Variants in HTT observed in about 807,000 individuals in gnomAD.
HTT encodes huntington disease protein.
Under a neutral mutation model 362.3 loss-of-function variants are expected in HTT, and 104 were observed. The ratio of observed to expected loss-of-function variants is 0.29; its 90% CI spans 0.24 to 0.34. The LOEUF (loss-of-function observed/expected upper bound fraction) is 0.34. Ranked by LOEUF, HTT falls within the 10% of genes least tolerant of loss-of-function variation. The pLI is 1.00. For missense variants in HTT, 3,301 were observed against 3,928.6 expected (o/e 0.84, Z 4.27); for synonymous variants, 1,577 against 1,548.7 (o/e 1.02, Z -0.43).
rs372725851 is a variant in HTT at position 3,140,559 on chromosome 4, G to T, written c.2848G>T (p.Val950Leu). The T allele has an allele frequency of 1.7e-5, 28 of 1,613,990 alleles. No individual in the cohort carries two copies. Among genetic ancestry groups the T allele is most frequent in the African/African-American group, 5.3e-5 (4 of 74,934 alleles). ...ATGTGACCAAGGACAAGCTGATCCA[G>T]TAGTGGCCGTGGCAAGAGATCAAAG... is the stretch of plus-strand genomic sequence containing the variant. The part of the protein sequence containing the change: ...YKCDQGQADP[V>L]VAVARDQSSV... Residue 950 changes from valine (V) to leucine (L), a missense_variant, in exon 22 of 67, where the codon GTA (valine) becomes TTA (leucine). Val to Leu is a conservative substitution (Grantham distance 32). Coordinates refer to ENST00000355072, the MANE Select transcript of HTT (RefSeq NM_001388492.1).
At chr4:3,213,040 G>T in intron 49 of HTT, 1 of 275,904 alleles carries the variant, frequency 3.6e-6, no homozygotes, top group Non-Finnish European at 7.0e-6. Flanking sequence ...GTCAGCCAAG[G>T]AATACTTACT....
rs372236364 is a variant in HTT, at chr4:3,236,270, C to T, written c.8891+16C>T. On this transcript the variant is annotated intron_variant, in intron 64 of 66. Transcript: ENST00000355072. ...TTTTTGATAGGTAAGAAGCGAAGCC[C>T]CATCCCTCAGCCGTTAGCTTCCCTA... 2.2e-4 allele frequency: 333 copies of T among 1,548,820 alleles called. No homozygotes were observed. The highest frequency in any genetic ancestry group is 5.5e-5 in the Non-Finnish European group (62 of 1,120,368).
chr4:3,203,867 C>A, intron 41 of HTT, 140 bp from the exon 42 acceptor site: 1 of 732,018 alleles, frequency 1.4e-6, no homozygotes, highest in African/African-American at 1.8e-5. Flanking sequence ...ATATATTACA[C>A]ATACAACATT....
intron 26 of HTT, 115 bp downstream of exon 26, chr4:3,148,322 A>G: frequency 1.3e-6 from 1 of 775,722 alleles, no homozygotes; most frequent in East Asian, 2.7e-5. Flanking sequence ...AAATGAACAA[A>G]ATTGCTCAGA....
At chr4:3,181,913 C>T (rs1408301581) in intron 36 of HTT, among the ~76,000 whole-genome samples, 2 of 152,210 alleles carry the variant, frequency 1.3e-5, no homozygotes, top group Non-Finnish European at 2.9e-5. Flanking sequence ...GAAGCAGGTG[C>T]TCTTCAGTAG....
At chr4:3,114,556 C>T (rs61792505) in intron 6 of HTT, among the ~76,000 whole-genome samples, 8,553 of 152,252 alleles carry the variant, frequency 0.056, 293 homozygotes, top group African/African-American at 0.093. Context: ...ACAGAGTCCC[C>T]GACTCATAGT....
At chr4:3,174,107 A>G (rs918512318) in intron 31 of HTT, among the ~76,000 whole-genome samples, 4 of 152,156 alleles carry the variant, frequency 2.6e-5, no homozygotes, top group African/African-American at 7.2e-5. Flanking sequence ...TTCCTTTTAT[A>G]AATTTAGCGA....
chr4:3,229,761 G>A (rs1721158327), intron 59 of HTT, 126 bp from the exon 60 acceptor site: 2 of 1,031,804 alleles, frequency 1.9e-6, no homozygotes, highest in Non-Finnish European at 3.0e-6. Flanking sequence ...ACGCACACAT[G>A]CGTCCCGCAC....
intron 46 of HTT, 29 bp downstream of exon 46, chr4:3,208,940 G>A: frequency 6.3e-7 from 1 of 1,592,526 alleles, no homozygotes; most frequent in South Asian, 1.1e-5. Flanking sequence ...TGCATGGGAG[G>A]CACAGGGCGC....
intron 10 of HTT, among the ~76,000 whole-genome samples, chr4:3,123,692 A>T (rs1715398441): frequency 6.8e-6 from 1 of 147,096 alleles, no homozygotes; most frequent in Admixed American, 6.8e-5. Flanking sequence ...CTTGTGTCTT[A>T]AAAAAAAAAA....
chr4:3,096,730 G>T (rs1367081351), intron 2 of HTT, among the ~76,000 whole-genome samples: 2 of 152,184 alleles, frequency 1.3e-5, no homozygotes. Flanking sequence ...GAAATTTCTA[G>T]CATTAAATGC....
Position 3,148,143 on chromosome 4 carries a change from T to G in HTT, c.3434T>G (p.Leu1145Arg). 6.2e-7 allele frequency: 1 copy of G among 1,613,284 alleles called. No homozygotes were observed. Among genetic ancestry groups the G allele is most frequent in the Non-Finnish European group, 8.5e-7 (1 of 1,179,614 alleles). ...VPMVEQLFSH[L>R]LKVINICAHV... ...ATGGTGGAGCAGCTCTTCTCTCACC[T>G]GCTGAAGGTGATTAACATTTGTGCC... is the stretch of plus-strand genomic sequence containing the variant. Residue 1145 changes from leucine to arginine, a missense_variant, in exon 26 of 67, where the codon CTG becomes CGG. This residue lies in a region of HTT where 2,316 missense variants were observed against 2,658.5 expected (regional missense o/e 0.87). Coordinates refer to ENST00000355072, the MANE Select transcript of HTT (RefSeq NM_001388492.1).
chr4:3,188,810 G>A (rs1578572985), intron 39 of HTT, 141 bp from the exon 40 acceptor site: 2 of 750,350 alleles, frequency 2.7e-6, no homozygotes, highest in East Asian at 2.7e-5. Flanking sequence ...CGGCGACGGC[G>A]CTCTGCATTT....
At chr4:3,235,467 T>C (rs775339128) in intron 62 of HTT, 69 bp downstream of exon 62, 2 of 1,506,166 alleles carry the variant, frequency 1.3e-6, no homozygotes, top group Admixed American at 1.7e-5. Context: ...CCTTGCAGGA[T>C]CATACCAGTG....
chr4:3,127,285 G>T lies in HTT; in HGVS notation c.1424G>T (p.Ser475Ile), dbSNP rs376114909. Reference sequence around the variant, plus strand: ...TCAGCCTCAGTGAAGGATGAGATCAGTGGAGAGCTGGCTGCTTCTTCAGGG... The same window carrying T: ...TCAGCCTCAGTGAAGGATGAGATCATTGGAGAGCTGGCTGCTTCTTCAGGG... The part of the protein sequence containing the change: ...ALTASVKDEI[S>I]GELAASSGVS... Residue 475 changes from serine to isoleucine, a missense_variant, in exon 12 of 67, where the codon AGT becomes ATT. Transcript: ENST00000355072. 1.9e-6 allele frequency: 3 copies of T among 1,613,978 alleles called. No individual in the cohort carries two copies. The highest frequency in any genetic ancestry group is 2.7e-5 in the African/African-American group (2 of 74,948).
intron 40 of HTT, among the ~76,000 whole-genome samples, chr4:3,191,170 T>C (rs1422757691): frequency 6.6e-6 from 1 of 151,570 alleles, no homozygotes; most frequent in Non-Finnish European, 1.5e-5. Flanking sequence ...TTTCTTTCTT[T>C]CTTTCTTTCT....
intron 11 of HTT, 84 bp from the exon 12 acceptor site, chr4:3,127,180 A>C: frequency 1.0e-6 from 1 of 961,258 alleles, no homozygotes. Flanking sequence ...TAACGGTGGA[A>C]CTGTTCGTTA....
rs1038768767 is a variant in HTT, at chr4:3,132,645, A to G, written c.2320A>G (p.Thr774Ala). Reference protein sequence around the residue: ...VRGATAILCGTLICSILSRSR... With the variant: ...VRGATAILCGALICSILSRSR... ...AGGAGCCACTGCCATTCTCTGTGGG[A>G]CCCTCATCTGCTCCATCCTCAGCAG... The change falls in exon 17 of 67, where the codon ACC (threonine) becomes GCC (alanine). Residue 774 changes from threonine to alanine, a missense_variant. Physicochemically the swap from Thr to Ala is moderately conservative, Grantham distance 58. This residue lies in a region of HTT where 2,316 missense variants were observed against 2,658.5 expected (regional missense o/e 0.87). Coordinates refer to ENST00000355072, the MANE Select transcript of HTT (RefSeq NM_001388492.1). 3.1e-6 allele frequency: 5 copies of G among 1,614,004 alleles called. No homozygotes were observed. Among genetic ancestry groups the G allele is most frequent in the Non-Finnish European group, 4.2e-6 (5 of 1,179,894 alleles).
intron 6 of HTT, among the ~76,000 whole-genome samples, chr4:3,109,926 C>T (rs577306954): frequency 9.9e-4 from 150 of 152,274 alleles, no homozygotes; most frequent in Middle Eastern, 6.8e-3. Context: ...GTGGGGGCTA[C>T]AGTGTTGGCT....
Sources: allele counts gnomAD v4.1 joint callset (sites outside exome capture counted in the v4.1 genomes callset), GRCh38; gene constraint gnomAD v4.1.1; regional missense constraint gnomAD v4.1.1; transcripts MANE v1.5; gene names NCBI Gene and HGNC (gene_info 2026-07-23, HGNC 2026-07-21).